FUS: variants seen among roughly 807,000 people sequenced by gnomAD.
The protein encoded by FUS is RNA-binding protein FUS.
In FUS, 5 loss-of-function variants were observed where a neutral mutation model predicts 82.7. That is an observed-to-expected ratio of 0.06 (90% CI 0.03 to 0.13). FUS has a LOEUF of 0.13. Among genes scored for constraint, FUS ranks in the 10% least tolerant of loss-of-function variants. The pLI, the probability that FUS is intolerant of heterozygous loss-of-function variation, is 1.00. For missense variants in FUS, 512 were observed against 707.8 expected (o/e 0.72, Z 3.14); for synonymous variants, 281 against 247.4 (o/e 1.14, Z -1.27).
At chr16:31,180,271 G>A (rs2058035959) in intron 1 of FUS, 44 bp downstream of exon 1, 4 of 1,589,180 alleles carry the variant, frequency 2.5e-6, no homozygotes, top group Non-Finnish European at 2.6e-6. Context: ...ACCCGGCCGA[G>A]GCCTCCCAGC....
At chr16:31,190,891 A>G in intron 13 of FUS, 49 bp downstream of exon 13, 3 of 1,612,970 alleles carry the variant, frequency 1.9e-6, no homozygotes, top group Non-Finnish European at 2.5e-6. Flanking sequence ...AAGAATCCTT[A>G]ATTTTTCAGC....
chr16:31,183,629 TGGGA>T, intron 3 of FUS: 1 of 550,310 alleles, frequency 1.8e-6, no homozygotes, highest in South Asian at 1.9e-5. Flanking sequence ...GAGATGGTGT[TGGGA>T]TTGGCGGGGT....
At chr16:31,185,643 C>T in intron 6 of FUS, 1 of 482,824 alleles carries the variant, frequency 2.1e-6, no homozygotes, top group Admixed American at 2.5e-5. Context: ...TTCCCGTTTT[C>T]TATAGTCATT....
chr16:31,184,251 G>T lies in FUS; in HGVS notation c.378G>T (p.Gln126His). The T allele has an allele frequency of 6.2e-7, 1 of 1,614,152 alleles. No homozygotes were observed. ...SSQSSSYGQP[Q>H]SGSYSQQPSY... ...AGAGCAGCAGCTATGGGCAGCCCCA[G>T]AGTGGGAGCTACAGCCAGCAGCCTA... The change falls in exon 5 of 15, where the codon CAG (glutamine) becomes CAT (histidine). Residue 126 changes from glutamine (Q) to histidine (H), a missense_variant. By Grantham distance (24) the Gln-to-His change is conservative (BLOSUM62 0). This residue lies in a region of FUS where 276 missense variants were observed against 303.3 expected (regional missense o/e 0.91). Coordinates refer to ENST00000254108, the MANE Select transcript of FUS (RefSeq NM_004960.4).
chr16:31,185,243 C>A, intron 6 of FUS, 64 bp downstream of exon 6: 1 of 1,511,952 alleles, frequency 6.6e-7, no homozygotes, highest in African/African-American at 1.4e-5. Flanking sequence ...ATGAATCTCC[C>A]TGAAGCCAGT....
At chr16:31,189,532 G>T in intron 9 of FUS, 133 bp from the exon 10 acceptor site, 1 of 1,209,274 alleles carries the variant, frequency 8.3e-7, no homozygotes, top group Admixed American at 1.9e-5. Flanking sequence ...GTTTACATGT[G>T]AGGTAGGAAG....
chr16:31,190,863 G>C (rs2079344887), intron 13 of FUS, 21 bp downstream of exon 13: 2 of 1,613,012 alleles, frequency 1.2e-6, no homozygotes, highest in South Asian at 2.2e-5. Context: ...CAGACCTGGT[G>C]CTAGGGAGCT....
At chr16:31,191,633 T>C (rs551479845), downstream of FUS, 1 of 718,170 alleles carries the variant, frequency 1.4e-6, no homozygotes, top group East Asian at 2.7e-5. Context: ...CTTTTCACTT[T>C]CCTGGAAGAT....
intron 10 of FUS, 87 bp downstream of exon 10, chr16:31,189,881 G>A: frequency 1.7e-5 from 28 of 1,608,184 alleles, no homozygotes; most frequent in Non-Finnish European, 2.4e-5. Flanking sequence ...GGGTTCTTTT[G>A]AGTCTTCCAA....
At chr16:31,183,713 C>G in intron 3 of FUS, 145 bp from the exon 4 acceptor site, 1 of 952,910 alleles carries the variant, frequency 1.0e-6, no homozygotes, top group Non-Finnish European at 1.7e-6. Flanking sequence ...AGGAGGGTAA[C>G]TATCTTTGCC....
At chr16:31,181,550 G>A (rs1489145322) in intron 1 of FUS, among the ~76,000 whole-genome samples, 1 of 152,104 alleles carries the variant, frequency 6.6e-6, no homozygotes, top group Non-Finnish European at 1.5e-5. Flanking sequence ...CTCTGGCTTT[G>A]CACTAAAAAG....
At position 31,188,365 on chromosome 16, in the gene FUS, C is replaced by G. The variant is rs1030354011; in HGVS notation, c.832+8C>G. ...GATCACGTCATGACTCCGGTGAGTT[C>G]ACACGTGGTGGCATGAAAAGAGTGG... On this transcript the variant is annotated splice_region_variant and intron_variant, in intron 8 of 14. Transcript: ENST00000254108. 6.2e-7 allele frequency: 1 copy of G among 1,613,046 alleles called. No individual in the cohort carries two copies. Among genetic ancestry groups the G allele is most frequent in the Admixed American group, 1.7e-5 (1 of 59,940 alleles).
At position 31,190,547 on chromosome 16, in the gene FUS, T is replaced by C. The variant is rs1314012351; in HGVS notation, c.1292+149T>C. The C allele has an allele frequency of 3.9e-6, 5 of 1,289,262 alleles. No homozygotes were observed. In the East Asian group the frequency reaches 9.2e-5, roughly 24 times the overall value. The allele number at this position is 1,289,262 out of a possible 1,614,324, so 79.9% of individuals were successfully genotyped here. A position where few individuals can be genotyped will look rare whatever the true frequency, so the allele number is the denominator to read the frequency against. On this transcript the variant is annotated intron_variant, in intron 12 of 14. Transcript: ENST00000254108. Reference sequence around the variant, plus strand: ...TAGCCAAAAGCTTACCTAGGTAAGGTTGATGTAATGGGAAAGGTAATGGAT... The same window carrying C: ...TAGCCAAAAGCTTACCTAGGTAAGGCTGATGTAATGGGAAAGGTAATGGAT...
At chr16:31,193,782 C>T (rs1156673303), downstream of FUS, 2 of 528,554 alleles carry the variant, frequency 3.8e-6, no homozygotes, top group South Asian at 1.5e-5. Flanking sequence ...ACAGGTGCTT[C>T]CTCGCTACCA....
At position 31,191,029 on chromosome 16, in the gene FUS, G is replaced by A. The variant is rs201608365; in HGVS notation, c.1460G>A (p.Arg487His). 1.2e-5 allele frequency: 19 copies of A among 1,613,906 alleles called. No homozygotes were observed. Among genetic ancestry groups the A allele is most frequent in the African/African-American group, 2.7e-5 (2 of 75,034 alleles). The change falls in exon 14 of 15, where the codon CGC becomes CAC. Residue 487 changes from arginine (R) to histidine (H), a missense_variant. Physicochemically the swap from Arg to His is conservative, Grantham distance 29. This residue lies in a region of FUS where 96 missense variants were observed against 120.7 expected (regional missense o/e 0.80). Transcript: ENST00000254108. ...TATGATCGAGGCGGCTACCGGGGCCGCGGCGGGGACCGTGGAGGCTTCCGA... is the reference window on the plus strand; with the variant it reads ...TATGATCGAGGCGGCTACCGGGGCCACGGCGGGGACCGTGGAGGCTTCCGA... ...GGYDRGGYRG[R>H]GGDRGGFRGG...
intron 12 of FUS, 125 bp from the exon 13 acceptor site, chr16:31,190,617 G>C (rs2079340327): frequency 8.5e-7 from 1 of 1,182,732 alleles, no homozygotes; most frequent in Admixed American, 1.7e-5. Context: ...TGAGAAGCAA[G>C]CCGTTTTGTC....
At chr16:31,187,876 C>A in intron 7 of FUS, 1 of 248,690 alleles carries the variant, frequency 4.0e-6, no homozygotes. Flanking sequence ...AAAATTGTTC[C>A]ACAAGGGTTA....
rs376583452 is a variant in FUS at position 31,184,327 on chromosome 16, C to T, written c.454C>T (p.Pro152Ser). The T allele has an allele frequency of 3.7e-6, 6 of 1,614,044 alleles. No homozygotes were observed. The highest frequency in any genetic ancestry group is 2.7e-5 in the African/African-American group (2 of 74,902). ...TGGACAGCAGCAAAGCTATAATCCC[C>T]CTCAGGGCTATGGACAGCAGAACCA... ...SYGQQQSYNP[P>S]QGYGQQNQYN... The change falls in exon 5 of 15, where the codon CCT (proline) becomes TCT (serine). Residue 152 changes from proline to serine, a missense_variant. Pro to Ser is a moderately conservative substitution (Grantham distance 74, BLOSUM62 -1). Transcript: ENST00000254108.
chr16:31,185,372 T>TC (rs1486181390), intron 6 of FUS, 193 bp downstream of exon 6: 1 of 658,104 alleles, frequency 1.5e-6, no homozygotes, highest in African/African-American at 1.8e-5. Flanking sequence ...GAGCCTGAAC[T>TC]CCCATCCATA....
Sources: gnomAD v4.1 joint callset for allele counts (sites outside exome capture counted in the v4.1 genomes callset) on GRCh38, gnomAD v4.1.1 for gene constraint, gnomAD v4.1.1 regional missense constraint, MANE v1.5 for transcripts, NCBI Gene and HGNC (gene_info 2026-07-23, HGNC 2026-07-21) for gene names.